Variants in CDKN2B-AS1 observed in about 807,000 individuals in gnomAD.
The protein encoded by CDKN2B-AS1 is CDKN2B antisense RNA 1 (non-protein coding).
intron 4 of CDKN2B-AS1, chr9:22,119,719 T>C (rs1454268630): frequency 6.6e-6 from 1 of 152,210 alleles, no homozygotes; most frequent in Non-Finnish European, 1.5e-5. Flanking sequence ...GATTAAAGCT[T>C]TCATGATGAG....
At chr9:22,009,053 C>G in intron 1 of CDKN2B-AS1, 1 of 1,566,060 alleles carries the variant, frequency 6.4e-7, no homozygotes, top group Admixed American at 1.7e-5. Flanking sequence ...GGCGCACTCT[C>G]TCCTTCCTAG....
intron 3 of CDKN2B-AS1, among the ~76,000 whole-genome samples, chr9:22,052,993 C>G (rs1219791491): frequency 6.6e-6 from 1 of 152,186 alleles, no homozygotes; most frequent in Non-Finnish European, 1.5e-5. Context: ...AGTTTCCAAA[C>G]TTTTTAGTTT....
At chr9:22,104,375 G>A (rs968227547) in intron 4 of CDKN2B-AS1, among the ~76,000 whole-genome samples, 2 of 152,174 alleles carry the variant, frequency 1.3e-5, no homozygotes, top group African/African-American at 4.8e-5. Flanking sequence ...CCTGCCATCT[G>A]GTTTGGATTG....
intron 1 of CDKN2B-AS1, among the ~76,000 whole-genome samples, chr9:22,033,416 T>C (rs1200865145): frequency 6.6e-6 from 1 of 152,068 alleles, no homozygotes; most frequent in Admixed American, 6.6e-5. Context: ...CAAAATTTAA[T>C]AATAGCACCT....
At chr9:22,042,219 G>C (rs1408246677) in intron 1 of CDKN2B-AS1, among the ~76,000 whole-genome samples, 6 of 152,012 alleles carry the variant, frequency 3.9e-5, no homozygotes, top group Non-Finnish European at 8.8e-5. Context: ...TCTACCAGCT[G>C]TCTAGGGGCT....
chr9:22,004,957 A>G (rs1281053254), intron 1 of CDKN2B-AS1: 4 of 233,222 alleles, frequency 1.7e-5, no homozygotes, highest in Non-Finnish European at 3.4e-5. Context: ...GCTACATTTA[A>G]GAGCTGTAGT....
rs572730882 is a variant in CDKN2B-AS1 at position 22,116,947 on chromosome 9, C to T, written n.439-10156C>T. Among the ~76,000 whole-genome samples the T allele has an allele frequency of 2.0e-4, 30 of 152,310 alleles. No individual in the cohort carries two copies. The South Asian group carries it at 2.1e-3, about 11-fold the overall frequency. The stretch of plus-strand genomic sequence containing the variant: ...GATTAAGCAGAACATGGAAGAAAGG[C>T]CTCAAGTAAACTTGACCTCACATAA... On this transcript the variant is annotated intron_variant and non_coding_transcript_variant, in intron 4 of 4. Transcript: ENST00000650946.
rs1031933812 is a variant in CDKN2B-AS1, at chr9:21,996,311, G to C, written n.29+1150G>C. On this transcript the variant is annotated intron_variant and non_coding_transcript_variant, in intron 1 of 4. Transcript: ENST00000650946. This position sits in a 1 kb window ranked among gnomAD's most constrained non-coding sequence, Gnocchi z 5.4. ...CGTAGCCACTCTAAATATCTATCTA[G>C]ATATTTACAAATGCACCTCCCCGGT... 4.6e-5 allele frequency among the ~76,000 whole-genome samples: 7 copies of C among 152,128 alleles called. No homozygotes were observed. The highest frequency in any genetic ancestry group is 7.2e-5 in the African/African-American group (3 of 41,412).
intron 4 of CDKN2B-AS1, chr9:22,118,924 A>G (rs767119424): frequency 1.1e-4 from 17 of 152,222 alleles, no homozygotes; most frequent in Admixed American, 7.9e-4. Flanking sequence ...TGATTAAAGA[A>G]GAAAGTTCTT....
intron 4 of CDKN2B-AS1, among the ~76,000 whole-genome samples, chr9:22,074,875 T>C (rs1289150093): frequency 6.6e-6 from 1 of 152,196 alleles, no homozygotes; most frequent in African/African-American, 2.4e-5. Flanking sequence ...GTCCACACTT[T>C]AGACTTCCAA....
Position 22,080,860 on chromosome 9 carries a change from C to T in CDKN2B-AS1, n.438+24473C>T, listed in dbSNP as rs1235285714. ...GGGTGGGCTGAGCCAGACTCAGAAA[C>T]TATTCCAAAAGTACTATGACTTTTT... is the stretch of plus-strand genomic sequence containing the variant. On this transcript the variant is annotated intron_variant and non_coding_transcript_variant, in intron 4 of 4. Coordinates refer to ENST00000650946, the Ensembl canonical transcript of CDKN2B-AS1. Among the ~76,000 whole-genome samples, 3 of 152,314 alleles carry T rather than the reference C, an allele frequency of 2.0e-5. No homozygotes were observed. In the East Asian group the frequency reaches 5.8e-4, roughly 29 times the overall value.
chr9:22,003,774 T>A (rs1340640569), intron 1 of CDKN2B-AS1: 1 of 232,236 alleles, frequency 4.3e-6, no homozygotes, highest in Non-Finnish European at 8.5e-6. Context: ...CTCCATATTG[T>A]TGACATTTTA....
chr9:22,062,976 G>GACACAC (rs534087244), intron 4 of CDKN2B-AS1, among the ~76,000 whole-genome samples: 5 of 125,324 alleles, frequency 4.0e-5, no homozygotes, highest in East Asian at 2.6e-4. Context: ...GTGAAAGACA[G>GACACAC]ACACACACAC....
chr9:22,114,406 A>G (rs1469499682), intron 4 of CDKN2B-AS1, among the ~76,000 whole-genome samples: 1 of 152,214 alleles, frequency 6.6e-6, no homozygotes, highest in African/African-American at 2.4e-5. Flanking sequence ...TGTGCAAGAG[A>G]TTCGCCGAGG....
intron 1 of CDKN2B-AS1, among the ~76,000 whole-genome samples, chr9:22,025,379 G>T (rs1384918126): frequency 6.6e-6 from 1 of 152,174 alleles, no homozygotes; most frequent in South Asian, 2.1e-4. Context: ...TAGTCAGAGG[G>T]TAGCAAGGAC....
chr9:22,075,057 C>T (rs919462499), intron 4 of CDKN2B-AS1, among the ~76,000 whole-genome samples: 3 of 152,164 alleles, frequency 2.0e-5, no homozygotes, highest in Admixed American at 1.3e-4. Flanking sequence ...TAGCAATATA[C>T]AGTTTCTTCT....
At position 22,067,497 on chromosome 9, in the gene CDKN2B-AS1, G is replaced by T. The variant is rs562037157; in HGVS notation, n.438+11110G>T. Among the ~76,000 whole-genome samples, 227 of 152,154 alleles carry T rather than the reference G, an allele frequency of 1.5e-3. 1 individual carries two copies. Among genetic ancestry groups the T allele is most frequent in the Non-Finnish European group, 2.7e-3 (182 of 68,022 alleles). The stretch of plus-strand genomic sequence containing the variant: ...ACCAAAATGTGTTATTGTCATTACA[G>T]AGTGCTTATTTAAAGAAAAATAAAA... On this transcript the variant is annotated intron_variant and non_coding_transcript_variant, in intron 4 of 4. Coordinates refer to ENST00000650946, the Ensembl canonical transcript of CDKN2B-AS1.
At chr9:22,096,723 G>A (rs1479460769) in intron 4 of CDKN2B-AS1, among the ~76,000 whole-genome samples, 2 of 152,016 alleles carry the variant, frequency 1.3e-5, no homozygotes, top group Admixed American at 6.6e-5. Context: ...CCAATCACAC[G>A]GAACTATGTG....
chr9:22,118,316 G>A lies in CDKN2B-AS1; in HGVS notation n.439-8787G>A, dbSNP rs146731444. 4.5e-4 allele frequency: 69 copies of A among 152,170 alleles called. 2 individuals carry two copies. Among genetic ancestry groups the A allele is most frequent in the African/African-American group, 1.6e-3 (67 of 41,510 alleles). 9.4% of individuals were successfully genotyped at this position (152,170 alleles called of 1,614,324 possible). On this transcript the variant is annotated intron_variant and non_coding_transcript_variant, in intron 4 of 4. Transcript: ENST00000650946. ...CACAGAGAGAGAGACTCATATTATGGTATGTTCCCTGCCCCACCCCACTCC... is the reference window on the plus strand; with the variant it reads ...CACAGAGAGAGAGACTCATATTATGATATGTTCCCTGCCCCACCCCACTCC...
Sources: allele counts gnomAD v4.1 joint callset (sites outside exome capture counted in the v4.1 genomes callset), GRCh38; gene constraint gnomAD v4.1.1; non-coding constraint Gnocchi (gnomAD v3.1); transcripts MANE v1.5; gene names NCBI Gene and HGNC (gene_info 2026-07-23, HGNC 2026-07-21).